Variants in ANP32A observed in about 807,000 individuals in gnomAD.
The protein encoded by ANP32A is acidic nuclear phosphoprotein 32 family member A, also known as acidic leucine-rich nuclear phosphoprotein 32 family member A.
ANP32A carries 1 observed loss-of-function variant against 33.9 expected under a neutral mutation model. That is an observed-to-expected ratio of 0.03 (90% CI 0.01 to 0.14). ANP32A has a LOEUF of 0.14. Ranked by LOEUF, ANP32A falls within the 10% of genes least tolerant of loss-of-function variation. The pLI, the probability that ANP32A is intolerant of heterozygous loss-of-function variation, is 1.00. For synonymous variants in ANP32A, 115 were observed against 120.5 expected (o/e 0.95, Z 0.30); for missense variants, 155 against 306.0 (o/e 0.51, Z 3.68).
intron 5 of ANP32A, 25 bp downstream of exon 5, chr15:68,782,925 ACGGTGG>A (rs1370099288): frequency 6.4e-7 from 1 of 1,550,648 alleles, no homozygotes; most frequent in Non-Finnish European, 8.7e-7. Context: ...AAAGGGGCAG[ACGGTGG>A]CCCTGCCCAG....
chr15:68,803,798 C>T (rs1401119634), intron 1 of ANP32A, among the ~76,000 whole-genome samples: 6 of 101,154 alleles, frequency 5.9e-5, no homozygotes, highest in Admixed American at 1.2e-4. Flanking sequence ...ATTTCACAAA[C>T]TTTTTTTTTT....
chr15:68,787,379 C>T (rs751314598), intron 3 of ANP32A, 34 bp downstream of exon 3: 61 of 1,613,862 alleles, frequency 3.8e-5, no homozygotes, highest in Non-Finnish European at 5.0e-5. Context: ...CCACCTCCTA[C>T]CCCTGCAGGG....
chr15:68,798,970 G>T (rs111542264), intron 1 of ANP32A, among the ~76,000 whole-genome samples: 2 of 152,208 alleles, frequency 1.3e-5, no homozygotes, highest in African/African-American at 2.4e-5. Context: ...TCATGCAGAA[G>T]AACCTAAGGC....
intron 1 of ANP32A, chr15:68,789,547 G>A (rs1291020512): frequency 6.6e-6 from 1 of 152,366 alleles, no homozygotes; most frequent in Non-Finnish European, 1.5e-5. Context: ...TAGAGATATG[G>A]GGGAAAGGAG....
At chr15:68,788,743 C>T (rs2140361510) in intron 1 of ANP32A, among the ~76,000 whole-genome samples, 1 of 152,294 alleles carries the variant, frequency 6.6e-6, no homozygotes, top group South Asian at 2.1e-4. Flanking sequence ...AATGGAAACC[C>T]ACAAACTTAG....
At position 68,780,260 on chromosome 15, in the gene ANP32A, G is replaced by A. The variant is rs749688783; in HGVS notation, c.689-118C>T. On this transcript the variant is annotated intron_variant, in intron 6 of 6. Transcript: ENST00000465139. This position sits in a 1 kb window ranked among gnomAD's most constrained non-coding sequence, Gnocchi z 4.3. ...GCAAGCTGTGCCATCCTTGGAAACCGAGGCAAGACATCTGCACAGCTGGAA... is the reference window on the plus strand; with the variant it reads ...GCAAGCTGTGCCATCCTTGGAAACCAAGGCAAGACATCTGCACAGCTGGAA... 71 of 1,560,784 alleles carry A rather than the reference G, an allele frequency of 4.5e-5. No individual in the cohort carries two copies. Among genetic ancestry groups the A allele is most frequent in the Non-Finnish European group, 5.6e-5 (64 of 1,151,438 alleles).
chr15:68,804,716 T>C (rs953780049), intron 1 of ANP32A, among the ~76,000 whole-genome samples: 8 of 152,172 alleles, frequency 5.3e-5, no homozygotes, highest in African/African-American at 1.7e-4. Context: ...GGTTTCACCA[T>C]GTTGGCCAGG....
intron 3 of ANP32A, 82 bp from the exon 4 acceptor site, chr15:68,784,677 G>A (rs558282768): frequency 1.3e-6 from 2 of 1,487,896 alleles, no homozygotes; most frequent in Middle Eastern, 1.7e-4. Flanking sequence ...AGGCAAGGAT[G>A]CCATGAGATA....
intron 1 of ANP32A, among the ~76,000 whole-genome samples, chr15:68,799,619 A>G (rs1286125989): frequency 6.6e-6 from 1 of 152,226 alleles, no homozygotes; most frequent in Non-Finnish European, 1.5e-5. Context: ...CTACCATGGC[A>G]GCCAACACAG....
At chr15:68,819,912 G>C (rs1894447530) in intron 1 of ANP32A, among the ~76,000 whole-genome samples, 2 of 152,228 alleles carry the variant, frequency 1.3e-5, no homozygotes, top group Admixed American at 1.3e-4. Context: ...CCGAAGGTGG[G>C]GTGGAAAGAG....
chr15:68,796,150 C>T (rs1157126837), intron 1 of ANP32A, among the ~76,000 whole-genome samples: 1 of 152,158 alleles, frequency 6.6e-6, no homozygotes, highest in East Asian at 1.9e-4. Context: ...GGCGTGATCT[C>T]GGCTCACTGC....
At chr15:68,782,482 T>C (rs1893881897) in intron 5 of ANP32A, among the ~76,000 whole-genome samples, 1 of 152,176 alleles carries the variant, frequency 6.6e-6, no homozygotes, top group African/African-American at 2.4e-5. Context: ...CCAATCTCTT[T>C]AGGAAAATGG....
In ANP32A at chr15:68,780,127, T is replaced by C; in HGVS notation, c.704A>G (p.Gln235Arg). Residue 235 changes from glutamine to arginine, a missense_variant, in exon 7 of 7, where the codon CAG (glutamine) becomes CGG (arginine). By Grantham distance (43) the Gln-to-Arg change is conservative. Coordinates refer to ENST00000465139, the MANE Select transcript of ANP32A (RefSeq NM_006305.4). The surrounding 1 kb of genome is among the most constrained non-coding windows in gnomAD (Gnocchi z 4.3). Reference sequence around the variant, plus strand: ...ATCTTCAGGTTCTCGTTTTCGCTTCTGACCCCTTTCTTCTTCTGGAAAAGT... The same window carrying C: ...ATCTTCAGGTTCTCGTTTTCGCTTCCGACCCCTTTCTTCTTCTGGAAAAGT... The part of the protein sequence containing the change: ...EEELGEEERG[Q>R]KRKREPEDEG... The C allele has an allele frequency of 6.2e-7, 1 of 1,613,806 alleles. No homozygotes were observed. Among genetic ancestry groups the C allele is most frequent in the Non-Finnish European group, 8.5e-7 (1 of 1,179,738 alleles).
chr15:68,788,527 C>T (rs1054117569), intron 1 of ANP32A, among the ~76,000 whole-genome samples: 2 of 152,232 alleles, frequency 1.3e-5, no homozygotes, highest in African/African-American at 4.8e-5. Context: ...GAACTTCCTT[C>T]AAGGACGGAA....
At chr15:68,814,795 T>G (rs970384701) in intron 1 of ANP32A, among the ~76,000 whole-genome samples, 1 of 152,054 alleles carries the variant, frequency 6.6e-6, no homozygotes. Context: ...CAGGATTATC[T>G]GTCATTTTCA....
At chr15:68,783,128 T>C in intron 4 of ANP32A, 75 bp from the exon 5 acceptor site, 1 of 1,537,366 alleles carries the variant, frequency 6.5e-7, no homozygotes, top group Non-Finnish European at 8.8e-7. Context: ...CACAGGCCCC[T>C]TGTAGCGTCT....
intron 1 of ANP32A, among the ~76,000 whole-genome samples, chr15:68,797,929 G>C (rs141908363): frequency 6.6e-6 from 1 of 152,368 alleles, no homozygotes; most frequent in African/African-American, 2.4e-5. Flanking sequence ...ACAGGCTAGG[G>C]GAGGGGTGGG....
chr15:68,792,436 A>C (rs573153899), intron 1 of ANP32A, among the ~76,000 whole-genome samples: 6 of 152,314 alleles, frequency 3.9e-5, no homozygotes, highest in Non-Finnish European at 7.3e-5. Flanking sequence ...AAGGTTCCCA[A>C]GATGTCAGAT....
At chr15:68,814,795 TGTC>T (rs113000318) in intron 1 of ANP32A, among the ~76,000 whole-genome samples, 18,969 of 152,118 alleles carry the variant, frequency 0.12, 2,555 homozygotes, top group African/African-American at 0.33. Context: ...CAGGATTATC[TGTC>T]ATTTTCAAAG....
Sources: allele counts gnomAD v4.1 joint callset (sites outside exome capture counted in the v4.1 genomes callset), GRCh38; gene constraint gnomAD v4.1.1; non-coding constraint Gnocchi (gnomAD v3.1); transcripts MANE v1.5; gene names NCBI Gene and HGNC (gene_info 2026-07-23, HGNC 2026-07-21).